KLF12: variants seen among roughly 807,000 people sequenced by gnomAD.
The protein encoded by KLF12 is KLF transcription factor 12, also known as Krueppel-like factor 12.
A neutral mutation model predicts 37.8 loss-of-function variants in KLF12; 9 were observed. The observed-to-expected ratio is 0.24, with a 90% CI of 0.14 to 0.42. The LOEUF (loss-of-function observed/expected upper bound fraction) is 0.42. Ranked by LOEUF, KLF12 falls within the 10% of genes least tolerant of loss-of-function variation. KLF12 has a pLI of 1.00. For synonymous variants in KLF12, 208 were observed against 202.1 expected, an observed-to-expected ratio of 1.03 and a Z score of -0.25; for missense variants, 411 against 516.0, an observed-to-expected ratio of 0.80 and a Z score of 1.97.
intron 4 of KLF12, among the ~76,000 whole-genome samples, chr13:73,841,809 G>A (rs965864803): frequency 6.6e-6 from 1 of 152,040 alleles, no homozygotes; most frequent in Non-Finnish European, 1.5e-5. Context: ...CCACCACTGT[G>A]GGGGGGCTAA....
At chr13:74,050,390 G>A (rs879160525) in intron 1 of KLF12, among the ~76,000 whole-genome samples, 2 of 152,174 alleles carry the variant, frequency 1.3e-5, no homozygotes, top group Admixed American at 1.3e-4. Context: ...AGGATGATAT[G>A]CTTAGCAAAG....
At chr13:74,099,703 T>A (rs1876202769) in intron 1 of KLF12, among the ~76,000 whole-genome samples, 1 of 152,166 alleles carries the variant, frequency 6.6e-6, no homozygotes, top group South Asian at 2.1e-4. Flanking sequence ...TTCCATTTCA[T>A]AAAATTCCTC....
At chr13:74,043,673 A>T (rs1745818641) in intron 1 of KLF12, among the ~76,000 whole-genome samples, 1 of 152,246 alleles carries the variant, frequency 6.6e-6, no homozygotes, top group Non-Finnish European at 1.5e-5. Context: ...ATGTGACTGA[A>T]TTTAAGTTTT....
At chr13:74,251,630 T>TA in the KLF12 span, among the ~76,000 whole-genome samples, 7 of 152,104 alleles carry the variant, frequency 4.6e-5, no homozygotes, top group Non-Finnish European at 8.8e-5. Context: ...CTCATCTTCC[T>TA]ACCCTCCCCC....
chr13:74,200,152 G>T, the KLF12 span, among the ~76,000 whole-genome samples: 4 of 151,624 alleles, frequency 2.6e-5, no homozygotes, highest in Non-Finnish European at 5.9e-5. Context: ...AGAGAGGAAT[G>T]GATGTGGGGA....
At chr13:74,191,876 T>C in the KLF12 span, among the ~76,000 whole-genome samples, 3 of 152,202 alleles carry the variant, frequency 2.0e-5, no homozygotes, top group Non-Finnish European at 4.4e-5. Context: ...CTTCACTAGC[T>C]CTGTCTTAAA....
chr13:73,949,472 C>G (rs1029165835), intron 2 of KLF12, among the ~76,000 whole-genome samples: 1 of 152,130 alleles, frequency 6.6e-6, no homozygotes, highest in South Asian at 2.1e-4. Flanking sequence ...ATTTTCTTAA[C>G]TTGATGAGAT....
At chr13:73,763,225 A>G (rs1421915795) in intron 6 of KLF12, among the ~76,000 whole-genome samples, 2 of 152,172 alleles carry the variant, frequency 1.3e-5, no homozygotes, top group Admixed American at 6.6e-5. Context: ...TATATTATAA[A>G]TATATCTCCT....
the KLF12 span, among the ~76,000 whole-genome samples, chr13:74,162,698 G>A: frequency 1.3e-5 from 2 of 152,000 alleles, no homozygotes; most frequent in Non-Finnish European, 2.9e-5. Context: ...TTCCACCCCT[G>A]GCAGAGGTTT....
intron 2 of KLF12, among the ~76,000 whole-genome samples, chr13:73,958,463 G>C (rs1351628093): frequency 6.6e-6 from 1 of 151,936 alleles, no homozygotes; most frequent in Non-Finnish European, 1.5e-5. Flanking sequence ...GGCTGGACTT[G>C]AACTCCTGAC....
At chr13:73,715,579 G>T in intron 6 of KLF12, 54 bp from the exon 7 acceptor site, 4 of 1,571,790 alleles carry the variant, frequency 2.5e-6, no homozygotes, top group Admixed American at 1.7e-5. Flanking sequence ...CCCCATTTTG[G>T]TTCTGGTGGC....
intron 1 of KLF12, among the ~76,000 whole-genome samples, chr13:74,068,075 G>T (rs1293325360): frequency 6.6e-6 from 1 of 152,192 alleles, no homozygotes; most frequent in African/African-American, 2.4e-5. Flanking sequence ...AGCAGACCGA[G>T]TACCTCAGCT....
rs367848373 is a variant in KLF12 at position 73,938,084 on chromosome 13, A to G, written c.123+5897T>C. Among the ~76,000 whole-genome samples the G allele has an allele frequency of 5.9e-5, 9 of 152,204 alleles. No homozygotes were observed. The East Asian group carries it at 9.6e-4, about 16-fold the overall frequency. ...TCGTATTTCCAAGATAATTCTACCA[A>G]TTTAGTCAAACGCTGGCCCCTGTTC... is the stretch of plus-strand genomic sequence containing the variant. On this transcript the variant is annotated intron_variant, in intron 3 of 7. Coordinates refer to ENST00000377669, the MANE Select transcript of KLF12 (RefSeq NM_007249.5).
chr13:73,691,463 A>G lies in KLF12; in HGVS notation c.*4027T>C, dbSNP rs1369401576. On this transcript the variant is annotated 3_prime_UTR_variant, in exon 8 of 8. Coordinates refer to ENST00000377669, the MANE Select transcript of KLF12 (RefSeq NM_007249.5). ...TCTGAGACTGGATTATGAACTATGA[A>G]TATTAAGGCTTTCTGGGCCTATTAT... 2 of 152,630 alleles carry G rather than the reference A, an allele frequency of 1.3e-5. No individual in the cohort carries two copies. The highest frequency in any genetic ancestry group is 4.8e-5 in the African/African-American group (2 of 41,448). The allele number at this position is 152,630 out of a possible 1,614,324, so 9.5% of individuals were successfully genotyped here. A position where few individuals can be genotyped will look rare whatever the true frequency, so the allele number is the denominator to read the frequency against.
chr13:74,299,235 G>A, the KLF12 span, among the ~76,000 whole-genome samples: 1 of 152,196 alleles, frequency 6.6e-6, no homozygotes, highest in African/African-American at 2.4e-5. Flanking sequence ...TGACAGGAAG[G>A]TGGAGTAGAG....
chr13:73,870,485 T>C (rs558157631), intron 3 of KLF12, among the ~76,000 whole-genome samples: 19 of 152,216 alleles, frequency 1.2e-4, no homozygotes, highest in Non-Finnish European at 2.4e-4. Context: ...GTATTTATTC[T>C]GACATAGAGA....
At chr13:74,178,038 A>G in the KLF12 span, among the ~76,000 whole-genome samples, 1 of 152,236 alleles carries the variant, frequency 6.6e-6, no homozygotes, top group Admixed American at 6.5e-5. Flanking sequence ...ATCTGGAGTC[A>G]GGTGGTCCGT....
intron 1 of KLF12, among the ~76,000 whole-genome samples, chr13:74,093,967 CAA>C (rs59531736): frequency 2.4e-5 from 3 of 122,530 alleles, no homozygotes; most frequent in African/African-American, 5.1e-5. Context: ...CAGTAAAATG[CAA>C]AAAAAAAAAT....
At chr13:73,810,430 CTTTT>C (rs1164345730) in intron 5 of KLF12, among the ~76,000 whole-genome samples, 1 of 151,914 alleles carries the variant, frequency 6.6e-6, no homozygotes, top group Admixed American at 6.6e-5. Context: ...AGTAAGCATA[CTTTT>C]TTTATTTTAC....
Sources: gnomAD v4.1 joint callset for allele counts (sites outside exome capture counted in the v4.1 genomes callset) on GRCh38, gnomAD v4.1.1 for gene constraint, MANE v1.5 for transcripts, NCBI Gene and HGNC (gene_info 2026-07-23, HGNC 2026-07-21) for gene names.